The following GATA4 variants were observed in gnomAD, a reference collection of about 807,000 sequenced individuals.
GATA4 encodes the protein GATA binding protein 4.
In GATA4, 7 loss-of-function variants were observed where a neutral mutation model predicts 37.9. The observed-to-expected ratio is 0.18, with a 90% CI of 0.11 to 0.35. The LOEUF (loss-of-function observed/expected upper bound fraction) is 0.35, where lower values mean the gene tolerates loss of function less well. Ranked by LOEUF, GATA4 falls within the 10% of genes least tolerant of loss-of-function variation. The pLI is 1.00. For synonymous variants in GATA4, 372 were observed against 292.6 expected (o/e 1.27, Z -2.77); for missense variants, 647 against 653.0 (o/e 0.99, Z 0.10).
intron 4 of GATA4, among the ~76,000 whole-genome samples, chr8:11,751,773 T>C (rs961353184): frequency 3.3e-5 from 5 of 152,216 alleles, no homozygotes; most frequent in African/African-American, 1.2e-4. Flanking sequence ...AGTCCCTAGT[T>C]TGCCCATATA....
chr8:11,704,847 C>A (rs1408445667), intron 1 of GATA4, among the ~76,000 whole-genome samples: 2 of 152,236 alleles, frequency 1.3e-5, no homozygotes, highest in Non-Finnish European at 2.9e-5. Flanking sequence ...ACTATTCATG[C>A]CCTTTCTGGC....
At chr8:11,750,894 C>T (rs899669225) in intron 4 of GATA4, among the ~76,000 whole-genome samples, 5 of 151,788 alleles carry the variant, frequency 3.3e-5, no homozygotes, top group Non-Finnish European at 7.4e-5. Context: ...CTGCAGTGAG[C>T]TCTGATTGTC....
chr8:11,708,122 G>C lies in GATA4; in HGVS notation c.-191G>C, dbSNP rs1799976458. On this transcript the variant is annotated 5_prime_UTR_variant, in exon 2 of 7. Coordinates refer to ENST00000532059, the MANE Select transcript of GATA4 (RefSeq NM_001308093.3). This position sits in a 1 kb window ranked among gnomAD's most constrained non-coding sequence, Gnocchi z 6.7. ...TTTCCGGAGTAAACAAGAGCCTAGA[G>C]CCCTTTGCTCAATGCTGGATTTAAT... The C allele has an allele frequency of 1.4e-6, 1 of 718,200 alleles. No homozygotes were observed. The allele number at this position is 718,200 out of a possible 1,614,324, so 44.5% of individuals were successfully genotyped here.
At chr8:11,740,154 A>G (rs759385631) in intron 2 of GATA4, among the ~76,000 whole-genome samples, 1 of 152,180 alleles carries the variant, frequency 6.6e-6, no homozygotes, top group African/African-American at 2.4e-5. Context: ...CCCAGTGCCC[A>G]ATGCGTTGTC....
chr8:11,752,523 C>T (rs1352899063), intron 4 of GATA4, among the ~76,000 whole-genome samples: 1 of 152,194 alleles, frequency 6.6e-6, no homozygotes, highest in Non-Finnish European at 1.5e-5. Context: ...GGAGAAACCG[C>T]CCCTGTGACT....
chr8:11,722,005 T>C (rs1019834257), intron 2 of GATA4, among the ~76,000 whole-genome samples: 2 of 152,150 alleles, frequency 1.3e-5, no homozygotes, highest in African/African-American at 4.8e-5. Context: ...ATTTCTACCT[T>C]TTAAATAGGT....
chr8:11,718,107 A>G (rs1800516227), intron 2 of GATA4, among the ~76,000 whole-genome samples: 1 of 152,230 alleles, frequency 6.6e-6, no homozygotes, highest in Non-Finnish European at 1.5e-5. Context: ...AAATCATAAT[A>G]AAAGCACAAT....
intron 4 of GATA4, among the ~76,000 whole-genome samples, chr8:11,753,775 G>C: frequency 6.6e-6 from 1 of 152,230 alleles, no homozygotes; most frequent in East Asian, 1.9e-4. Flanking sequence ...ACCATTGCGT[G>C]TTCATGTCTC....
chr8:11,680,763 C>T lies in GATA4; in HGVS notation c.-274+3700C>T, dbSNP rs540065184. ...AGGAGAGCCCGGCTTCTGCGCACCC[C>T]TCTCCAGATGCGAGGTGCTCACCCG... On this transcript the variant is annotated intron_variant, in intron 1 of 6. Coordinates refer to the GATA4 transcript ENST00000528712. The T allele has an allele frequency of 1.2e-5, 12 of 985,358 alleles. No individual in the cohort carries two copies. The East Asian group carries it at 1.4e-3, about 112-fold the overall frequency. 61.0% of individuals were successfully genotyped at this position (985,358 alleles called of 1,614,324 possible).
chr8:11,690,195 T>C (rs1799265910), upstream of GATA4, among the ~76,000 whole-genome samples: 1 of 152,220 alleles, frequency 6.6e-6, no homozygotes, highest in African/African-American at 2.4e-5. Flanking sequence ...CTTCCGCACA[T>C]GAGCCTCTGT....
At chr8:11,681,022 A>C in intron 1 of GATA4, 1 of 937,862 alleles carries the variant, frequency 1.1e-6, no homozygotes. Context: ...CCCATACCCC[A>C]GGCTGCAAAG....
intron 2 of GATA4, among the ~76,000 whole-genome samples, chr8:11,739,986 C>G (rs1215982613): frequency 6.6e-6 from 1 of 152,200 alleles, no homozygotes; most frequent in Non-Finnish European, 1.5e-5. Context: ...AGAGAGCCGA[C>G]TCAACAAGGC....
intron 4 of GATA4, among the ~76,000 whole-genome samples, chr8:11,750,705 G>T (rs1250826678): frequency 6.8e-6 from 1 of 146,392 alleles, no homozygotes; most frequent in African/African-American, 2.6e-5. Context: ...GGCTGAGGCA[G>T]AAGGATTGCA....
chr8:11,686,036 C>G (rs1799123799), intron 1 of GATA4, among the ~76,000 whole-genome samples: 1 of 152,158 alleles, frequency 6.6e-6, no homozygotes, highest in Admixed American at 6.5e-5. Context: ...TAATAAATGT[C>G]AGGTTCCGGT....
intron 2 of GATA4, among the ~76,000 whole-genome samples, chr8:11,737,768 AG>A (rs1174717193): frequency 6.6e-6 from 1 of 152,230 alleles, no homozygotes; most frequent in Admixed American, 6.5e-5. Flanking sequence ...GTGGGAGAAA[AG>A]ATGCTTTTAT....
intron 1 of GATA4, chr8:11,694,503 T>C (rs1799442900): frequency 1.0e-6 from 1 of 985,418 alleles, no homozygotes; most frequent in Middle Eastern, 5.2e-4. Flanking sequence ...ATCACTTCTT[T>C]CCCTTGCCAC....
chr8:11,685,519 A>T (rs1381118783), intron 1 of GATA4, among the ~76,000 whole-genome samples: 2 of 152,174 alleles, frequency 1.3e-5, no homozygotes, highest in African/African-American at 4.8e-5. Context: ...GTAGCAAATC[A>T]TTTGTTCCAG....
intron 2 of GATA4, among the ~76,000 whole-genome samples, chr8:11,723,724 G>A (rs1469304195): frequency 6.6e-6 from 1 of 152,180 alleles, no homozygotes; most frequent in Non-Finnish European, 1.5e-5. Flanking sequence ...ATAAAATACA[G>A]CATGTCTTCA....
intron 2 of GATA4, among the ~76,000 whole-genome samples, chr8:11,725,796 G>C (rs1160869592): frequency 1.3e-5 from 2 of 152,218 alleles, no homozygotes; most frequent in African/African-American, 4.8e-5. Flanking sequence ...TGGCCTCAAA[G>C]AGGGAAGCAG....
Sources: allele counts gnomAD v4.1 joint callset (sites outside exome capture counted in the v4.1 genomes callset), GRCh38; gene constraint gnomAD v4.1.1; non-coding constraint Gnocchi (gnomAD v3.1); transcripts MANE v1.5; gene names NCBI Gene and HGNC (gene_info 2026-07-23, HGNC 2026-07-21).